JAZF1: variants seen among roughly 807,000 people sequenced by gnomAD.
JAZF1 encodes the protein juxtaposed with another zinc finger protein 1.
A neutral mutation model predicts 26.4 loss-of-function variants in JAZF1; 8 were observed. The observed-to-expected ratio is 0.30, with a 90% CI of 0.18 to 0.55. JAZF1 has a LOEUF of 0.55. Among genes scored for constraint, JAZF1 ranks in the 20% least tolerant of loss-of-function variants. JAZF1 has a pLI of 0.94. For missense variants in JAZF1, 199 were observed against 322.0 expected, an observed-to-expected ratio of 0.62 and a Z score of 2.92; for synonymous variants, 126 against 122.3, an observed-to-expected ratio of 1.03 and a Z score of -0.20.
At chr7:28,089,736 T>C (rs1219343929) in intron 1 of JAZF1, among the ~76,000 whole-genome samples, 3 of 152,230 alleles carry the variant, frequency 2.0e-5, no homozygotes, top group East Asian at 1.9e-4. Flanking sequence ...GAACATGTTA[T>C]TGAATAATTA....
chr7:27,839,076 G>A (rs1782873282), intron 4 of JAZF1, among the ~76,000 whole-genome samples: 1 of 152,246 alleles, frequency 6.6e-6, no homozygotes, highest in Admixed American at 6.5e-5. Flanking sequence ...AAGGAGGAAA[G>A]GATGCGAGTA....
intron 1 of JAZF1, among the ~76,000 whole-genome samples, chr7:28,050,408 A>G (rs941787040): frequency 6.6e-6 from 1 of 152,190 alleles, no homozygotes; most frequent in Admixed American, 6.5e-5. Flanking sequence ...CTGATTTTAG[A>G]CAGTGTTGAT....
At chr7:28,016,359 G>T (rs1176184381) in intron 1 of JAZF1, among the ~76,000 whole-genome samples, 4 of 152,212 alleles carry the variant, frequency 2.6e-5, no homozygotes, top group African/African-American at 9.6e-5. Context: ...GAGCTAAGAG[G>T]CCTGAACAAC....
intron 3 of JAZF1, chr7:27,843,307 T>C (rs1782958823): frequency 6.6e-6 from 1 of 152,246 alleles, no homozygotes; most frequent in African/African-American, 2.4e-5. Context: ...GGTTCATGCC[T>C]TTGCTTTCGT....
At chr7:28,059,909 A>C (rs1004987948) in intron 1 of JAZF1, among the ~76,000 whole-genome samples, 2 of 152,102 alleles carry the variant, frequency 1.3e-5, no homozygotes, top group African/African-American at 4.8e-5. Context: ...CTATTTTACT[A>C]TGCCATATCT....
intron 3 of JAZF1, among the ~76,000 whole-genome samples, chr7:27,868,196 C>T (rs1447157105): frequency 6.6e-6 from 1 of 152,238 alleles, no homozygotes. Context: ...TGAGTTCACA[C>T]ATGACACCAT....
rs1487532944 is a variant in JAZF1 at position 27,985,276 on chromosome 7, C to A, written c.188+6633G>T. On this transcript the variant is annotated intron_variant, in intron 2 of 4. Coordinates refer to ENST00000283928, the MANE Select transcript of JAZF1 (RefSeq NM_175061.4). ...TAAAAAATGATAAAGGGAATATCAC[C>A]ACCAATCCCACAGAAATACAAACTA... 2.0e-5 allele frequency among the ~76,000 whole-genome samples: 3 copies of A among 152,110 alleles called. No individual in the cohort carries two copies. The East Asian group carries it at 5.8e-4, about 29-fold the overall frequency.
intron 1 of JAZF1, among the ~76,000 whole-genome samples, chr7:28,031,815 C>T (rs774031986): frequency 2.0e-4 from 30 of 152,108 alleles, no homozygotes; most frequent in Non-Finnish European, 2.8e-4. Context: ...ATAGGTGCAG[C>T]AAACCACCAT....
chr7:27,992,732 A>G (rs1785928603), intron 1 of JAZF1, among the ~76,000 whole-genome samples: 1 of 152,250 alleles, frequency 6.6e-6, no homozygotes, highest in Non-Finnish European at 1.5e-5. Context: ...TGTTTATGTA[A>G]TAAGGACATA....
intron 1 of JAZF1, among the ~76,000 whole-genome samples, chr7:28,009,352 T>C (rs1235647286): frequency 6.6e-6 from 1 of 152,178 alleles, no homozygotes; most frequent in African/African-American, 2.4e-5. Flanking sequence ...GTTTTTACAG[T>C]ATTTTTGATG....
chr7:27,868,352 C>T (rs1034566555), intron 3 of JAZF1, among the ~76,000 whole-genome samples: 1 of 152,200 alleles, frequency 6.6e-6, no homozygotes, highest in Non-Finnish European at 1.5e-5. Context: ...CTGCAGATGC[C>T]GTTCCCCGGT....
chr7:28,133,334 T>G (rs952533834), intron 1 of JAZF1, among the ~76,000 whole-genome samples: 1 of 152,000 alleles, frequency 6.6e-6, no homozygotes, highest in African/African-American at 2.4e-5. Flanking sequence ...GAAAATGGAG[T>G]GCTACAGGGA....
intron 1 of JAZF1, among the ~76,000 whole-genome samples, chr7:28,029,629 A>G (rs1783151777): frequency 6.6e-6 from 1 of 152,258 alleles, no homozygotes; most frequent in African/African-American, 2.4e-5. Flanking sequence ...TGTTTTCGAT[A>G]AAATGGGAAT....
At chr7:27,999,391 A>C (rs1786086142) in intron 1 of JAZF1, among the ~76,000 whole-genome samples, 2 of 152,186 alleles carry the variant, frequency 1.3e-5, no homozygotes, top group Non-Finnish European at 2.9e-5. Context: ...AGAGCCTATG[A>C]GAAGGTATCT....
At chr7:27,981,179 A>G (rs1290873374) in intron 2 of JAZF1, among the ~76,000 whole-genome samples, 2 of 152,222 alleles carry the variant, frequency 1.3e-5, no homozygotes, top group Admixed American at 6.5e-5. Flanking sequence ...GTCAAATTCC[A>G]TATTTTCTCA....
In JAZF1 at chr7:28,180,765, C is replaced by T. The variant is rs1421321425; in HGVS notation, c.-188G>A. 1.4e-5 allele frequency: 3 copies of T among 218,252 alleles called. No homozygotes were observed. The highest frequency in any genetic ancestry group is 6.5e-5 in the Admixed American group (1 of 15,498). The allele number at this position is 218,252 out of a possible 1,614,324, so 13.5% of individuals were successfully genotyped here. On this transcript the variant is annotated 5_prime_UTR_variant, in exon 1 of 5. Transcript: ENST00000283928. ...AGATGGAAGGAGAGCGAGGAGCCAC[C>T]GGGAGGCAGAGGGGAGGCGGCGGCT...
chr7:27,849,772 C>CACACACACACACACACACACACACACAT (rs140580370), intron 3 of JAZF1, among the ~76,000 whole-genome samples: 6,092 of 146,474 alleles, frequency 0.042, 176 homozygotes, highest in Non-Finnish European at 0.048. Context: ...CACACACACA[C>CACACACACACACACACACACACACACAT]ACCCCTACAC....
intron 1 of JAZF1, among the ~76,000 whole-genome samples, chr7:27,998,071 A>AGGCAGGCAGGC (rs1554280811): frequency 0.027 from 2,982 of 111,376 alleles, 102 homozygotes; most frequent in African/African-American, 0.073. Flanking sequence ...GGAAGGAAGG[A>AGGCAGGCAGGC]AGGCAGGCAG....
chr7:27,899,586 C>T (rs1296104213), intron 2 of JAZF1, among the ~76,000 whole-genome samples: 4 of 151,950 alleles, frequency 2.6e-5, no homozygotes, highest in Admixed American at 6.6e-5. Context: ...AGGCACGCCC[C>T]CCCATGCCCA....
Sources: allele counts gnomAD v4.1 joint callset (sites outside exome capture counted in the v4.1 genomes callset), GRCh38; gene constraint gnomAD v4.1.1; transcripts MANE v1.5; gene names NCBI Gene and HGNC (gene_info 2026-07-23, HGNC 2026-07-21).